UBTD1: variants seen among roughly 807,000 people sequenced by gnomAD.
The protein encoded by UBTD1 is ubiquitin domain containing 1, also known as ubiquitin domain-containing protein 1.
A neutral mutation model predicts 21.7 loss-of-function variants in UBTD1; 19 were observed. The observed-to-expected ratio is 0.87, with a 90% CI of 0.61 to 1.28. UBTD1 has a LOEUF of 1.28. UBTD1 is among the 50% of genes most tolerant of loss of function. UBTD1 has a pLI of 0.00. For missense variants in UBTD1, 282 were observed against 315.1 expected (o/e 0.89, Z 0.80); for synonymous variants, 116 against 135.1 (o/e 0.86, Z 0.98).
intron 1 of UBTD1, among the ~76,000 whole-genome samples, chr10:97,561,675 A>G (rs569945366): frequency 6.6e-6 from 1 of 152,266 alleles, no homozygotes; most frequent in African/African-American, 2.4e-5. Context: ...TAGGCCAGGC[A>G]GGCCCAGGTC....
At chr10:97,551,109 A>G (rs1431046233) in intron 1 of UBTD1, among the ~76,000 whole-genome samples, 2 of 152,336 alleles carry the variant, frequency 1.3e-5, no homozygotes, top group East Asian at 3.9e-4. Flanking sequence ...AACTGGTTCC[A>G]TGGGTGTGAG....
At chr10:97,527,786 A>G (rs1164507690) in intron 1 of UBTD1, among the ~76,000 whole-genome samples, 1 of 152,144 alleles carries the variant, frequency 6.6e-6, no homozygotes, top group Non-Finnish European at 1.5e-5. Flanking sequence ...ATAGATCAAC[A>G]GGATCCCAAG....
rs191801563 is a variant in UBTD1, at chr10:97,567,121, A to T, written c.71-793A>T. On this transcript the variant is annotated intron_variant, in intron 1 of 2. Transcript: ENST00000370664. ...GGTTTCGCTGTGTTGCCCAGGATGG[A>T]GTGCAGTGGCATGACCACAGCTCAC... Among the ~76,000 whole-genome samples, 23 of 151,640 alleles carry T rather than the reference A, an allele frequency of 1.5e-4. 1 individual carries two copies. In the East Asian group the frequency reaches 4.5e-3, roughly 30 times the overall value.
intron 1 of UBTD1, among the ~76,000 whole-genome samples, chr10:97,528,100 G>A (rs1180593961): frequency 7.6e-6 from 1 of 132,216 alleles, no homozygotes; most frequent in African/African-American, 2.8e-5. Context: ...CTCCCTCCCG[G>A]ACGGGGAGGC....
intron 1 of UBTD1, among the ~76,000 whole-genome samples, chr10:97,510,008 G>A (rs746451920): frequency 1.3e-5 from 2 of 150,460 alleles, no homozygotes; most frequent in Non-Finnish European, 2.9e-5. Flanking sequence ...TATTGCCCAG[G>A]CTGGAGTGCA....
chr10:97,518,558 G>C (rs971225766), intron 1 of UBTD1, among the ~76,000 whole-genome samples: 2 of 152,210 alleles, frequency 1.3e-5, no homozygotes. Flanking sequence ...TGGCAGAGCT[G>C]CCTGCTCTCT....
At position 97,546,969 on chromosome 10, in the gene UBTD1, A is replaced by C. The variant is rs373149700; in HGVS notation, c.71-20945A>C. 1.6e-4 allele frequency among the ~76,000 whole-genome samples: 25 copies of C among 152,172 alleles called. 1 individual carries two copies. The South Asian group carries it at 2.5e-3, about 15-fold the overall frequency. On this transcript the variant is annotated intron_variant, in intron 1 of 2. Transcript: ENST00000370664. Reference sequence around the variant, plus strand: ...TCGGGAAACAGCTGTCGGGTCTGGGACAAGTCACATCACCTTTCAGCCTTG... The same window carrying C: ...TCGGGAAACAGCTGTCGGGTCTGGGCCAAGTCACATCACCTTTCAGCCTTG...
chr10:97,546,444 G>C (rs988121479), intron 1 of UBTD1, among the ~76,000 whole-genome samples: 2 of 152,034 alleles, frequency 1.3e-5, no homozygotes, highest in Non-Finnish European at 2.9e-5. Flanking sequence ...AAAAAAATTA[G>C]CCGAATGTCG....
chr10:97,516,292 G>T (rs1043226816), intron 1 of UBTD1, among the ~76,000 whole-genome samples: 4 of 152,200 alleles, frequency 2.6e-5, no homozygotes, highest in Admixed American at 6.5e-5. Flanking sequence ...TTTTGTCTGA[G>T]CATCTGCTCC....
intron 1 of UBTD1, among the ~76,000 whole-genome samples, chr10:97,543,248 C>T (rs1047242338): frequency 6.6e-6 from 1 of 152,172 alleles, no homozygotes; most frequent in African/African-American, 2.4e-5. Context: ...CCAGGCATGG[C>T]TTGGGAAGGA....
At chr10:97,519,858 C>T (rs2040459726) in intron 1 of UBTD1, among the ~76,000 whole-genome samples, 1 of 151,988 alleles carries the variant, frequency 6.6e-6, no homozygotes, top group Non-Finnish European at 1.5e-5. Flanking sequence ...TGTATGTGTC[C>T]TGTCATTCTG....
intron 1 of UBTD1, among the ~76,000 whole-genome samples, chr10:97,502,978 G>A (rs913167077): frequency 6.6e-6 from 1 of 151,022 alleles, no homozygotes; most frequent in African/African-American, 2.4e-5. Flanking sequence ...GTATGGTGGT[G>A]CAGTTATAGC....
intron 1 of UBTD1, among the ~76,000 whole-genome samples, chr10:97,534,532 A>G (rs1008726145): frequency 6.6e-6 from 1 of 151,696 alleles, no homozygotes; most frequent in East Asian, 1.9e-4. Flanking sequence ...CTACCACACC[A>G]CATTCAAGCC....
At chr10:97,502,368 C>G (rs1415180728) in intron 1 of UBTD1, among the ~76,000 whole-genome samples, 1 of 152,134 alleles carries the variant, frequency 6.6e-6, no homozygotes, top group Admixed American at 6.5e-5. Flanking sequence ...TGTGGCTTTT[C>G]CTTTGACAAG....
At chr10:97,524,157 C>T (rs117936336) in intron 1 of UBTD1, among the ~76,000 whole-genome samples, 1,539 of 152,214 alleles carry the variant, frequency 0.01, 11 homozygotes, top group Non-Finnish European at 0.017. Flanking sequence ...TGCAGTGGCG[C>T]GATTATGGTT....
intron 1 of UBTD1, among the ~76,000 whole-genome samples, chr10:97,530,920 C>T (rs2040526701): frequency 6.6e-6 from 1 of 151,832 alleles, no homozygotes; most frequent in Non-Finnish European, 1.5e-5. Flanking sequence ...CGGAGTCTGG[C>T]TCTGTTGCCC....
At chr10:97,539,609 A>T (rs1431185781) in intron 1 of UBTD1, among the ~76,000 whole-genome samples, 2 of 151,584 alleles carry the variant, frequency 1.3e-5, no homozygotes, top group East Asian at 1.9e-4. Context: ...AAAAAAAAAG[A>T]AGTTTTGCTG....
At position 97,570,157 on chromosome 10, in the gene UBTD1, C is replaced by T. The variant is rs369006929; in HGVS notation, c.318C>T (p.Tyr106=). The T allele has an allele frequency of 3.1e-6, 5 of 1,609,464 alleles. No homozygotes were observed. The highest frequency in any genetic ancestry group is 1.7e-5 in the Admixed American group (1 of 59,914). The change falls in exon 3 of 3, where the codon TAC becomes TAT. Residue 106 remains tyrosine, a synonymous_variant. Coordinates refer to ENST00000370664, the MANE Select transcript of UBTD1 (RefSeq NM_024954.5). This position sits in a 1 kb window ranked among gnomAD's most constrained non-coding sequence, Gnocchi z 6.6. ...CTACAGGCACCCTCTGTGAATGCTACGATGAGCTGGGCAATCGCTACCAGC... is the reference window on the plus strand; with the variant it reads ...CTACAGGCACCCTCTGTGAATGCTATGATGAGCTGGGCAATCGCTACCAGC... ...TLPHGTLCEC[Y]DELGNRYQLP...
chr10:97,529,709 C>T (rs371998446), intron 1 of UBTD1, among the ~76,000 whole-genome samples: 1 of 151,820 alleles, frequency 6.6e-6, no homozygotes, highest in African/African-American at 2.4e-5. Flanking sequence ...AGTCCAGCTT[C>T]GGCTCGGCAT....
Sources: allele counts gnomAD v4.1 joint callset (sites outside exome capture counted in the v4.1 genomes callset), GRCh38; gene constraint gnomAD v4.1.1; non-coding constraint Gnocchi (gnomAD v3.1); transcripts MANE v1.5; gene names NCBI Gene and HGNC (gene_info 2026-07-23, HGNC 2026-07-21).